CPQ: variants seen among roughly 807,000 people sequenced by gnomAD.
CPQ encodes Ser-Met dipeptidase.
In CPQ, 37 loss-of-function variants were observed where a neutral mutation model predicts 45.7. That is an observed-to-expected ratio of 0.81 (90% CI 0.62 to 1.07). The LOEUF is 1.07. Among genes scored for constraint, CPQ ranks in the 50% least tolerant of loss-of-function variants. CPQ has a pLI of 0.00. For missense variants in CPQ, 537 were observed against 572.9 expected, an observed-to-expected ratio of 0.94 and a Z score of 0.64; for synonymous variants, 186 against 205.8, an observed-to-expected ratio of 0.90 and a Z score of 0.82.
At chr8:96,908,405 C>T (rs773657050) in intron 4 of CPQ, among the ~76,000 whole-genome samples, 5 of 152,052 alleles carry the variant, frequency 3.3e-5, no homozygotes, top group Non-Finnish European at 5.9e-5. Context: ...TGGCATGTGA[C>T]AGAGACTGTT....
At chr8:96,784,431 G>A (rs1466627741) in intron 1 of CPQ, among the ~76,000 whole-genome samples, 1 of 151,196 alleles carries the variant, frequency 6.6e-6, no homozygotes, top group African/African-American at 2.4e-5. Context: ...ATCAAAAACA[G>A]ATGACAGCTG....
intron 7 of CPQ, among the ~76,000 whole-genome samples, chr8:97,134,532 C>A (rs1361608675): frequency 6.6e-6 from 1 of 152,168 alleles, no homozygotes; most frequent in Non-Finnish European, 1.5e-5. Context: ...GAATGTAATT[C>A]AAGTCTTTAC....
At chr8:97,073,661 G>C (rs1810795053) in intron 7 of CPQ, among the ~76,000 whole-genome samples, 1 of 152,164 alleles carries the variant, frequency 6.6e-6, no homozygotes, top group Non-Finnish European at 1.5e-5. Context: ...ACACTGAGGA[G>C]AGAGGATGAA....
In CPQ at chr8:97,038,825, CAAAAAAAAAAAAAA is replaced by C. The variant is rs35739621; in HGVS notation, c.1053+9342_1053+9355del. Among the ~76,000 whole-genome samples the C allele has an allele frequency of 4.1e-4, 38 of 91,874 alleles. 2 individuals carry two copies. The highest frequency in any genetic ancestry group is 3.7e-3 in the Admixed American group (29 of 7,742). The allele number at this position is 91,874 out of a possible 152,430, so 60.3% of individuals were successfully genotyped here. ...CTGTATTCCAAAAAAACCGTATTTA[CAAAAAAAAAAAAAA>C]AAAAAAAAAAGAATAAAGGCAGGTC... On this transcript the variant is annotated intron_variant, in intron 6 of 7. Transcript: ENST00000220763.
chr8:97,118,898 C>T (rs932606961), intron 7 of CPQ, among the ~76,000 whole-genome samples: 2 of 152,112 alleles, frequency 1.3e-5, no homozygotes, highest in Non-Finnish European at 1.5e-5. Context: ...CATGACCAGC[C>T]ATGCTTGTTC....
intron 6 of CPQ, among the ~76,000 whole-genome samples, chr8:97,045,499 C>G (rs887292996): frequency 6.6e-6 from 1 of 152,188 alleles, no homozygotes; most frequent in Non-Finnish European, 1.5e-5. Flanking sequence ...ACCCACTGTC[C>G]TGCGCCCACT....
At chr8:97,022,071 A>C (rs1476708891) in intron 5 of CPQ, among the ~76,000 whole-genome samples, 1 of 152,226 alleles carries the variant, frequency 6.6e-6, no homozygotes, top group East Asian at 1.9e-4. Context: ...GAACCCAGAA[A>C]TAAACCCAAA....
At chr8:96,986,142 T>C (rs1312514623) in intron 5 of CPQ, among the ~76,000 whole-genome samples, 1 of 152,170 alleles carries the variant, frequency 6.6e-6, no homozygotes, top group Admixed American at 6.5e-5. Flanking sequence ...TTGACCCAAG[T>C]TGCAGCATCT....
intron 5 of CPQ, among the ~76,000 whole-genome samples, chr8:96,969,925 T>C (rs1019581414): frequency 1.3e-5 from 2 of 151,456 alleles, no homozygotes; most frequent in African/African-American, 2.4e-5. Context: ...AGGTAAGGAG[T>C]TGGAAGAGTT....
intron 1 of CPQ, among the ~76,000 whole-genome samples, chr8:96,779,733 A>AATAG (rs1810663626): frequency 6.6e-6 from 1 of 152,234 alleles, no homozygotes; most frequent in African/African-American, 2.4e-5. Context: ...AGTGCTAATG[A>AATAG]ATAGATGTCT....
chr8:96,656,474 G>A lies in CPQ; in HGVS notation c.-35+11072G>A, dbSNP rs1815638938. On this transcript the variant is annotated intron_variant, in intron 1 of 7. Coordinates refer to ENST00000220763, the MANE Select transcript of CPQ (RefSeq NM_016134.4). ...GCTGCAGGCTGGACTCTGAGTTTAG[G>A]TGGAGTTGCTGCTCAGGATGGATGG... 2.6e-5 allele frequency among the ~76,000 whole-genome samples: 4 copies of A among 152,158 alleles called. No individual in the cohort carries two copies. In the South Asian group the frequency reaches 8.3e-4, roughly 32 times the overall value.
chr8:96,925,440 T>C (rs1156869761), intron 4 of CPQ, among the ~76,000 whole-genome samples: 1 of 151,006 alleles, frequency 6.6e-6, no homozygotes, highest in Non-Finnish European at 1.5e-5. Context: ...CTGGAGTGCA[T>C]TGGTGTGATC....
chr8:96,858,183 G>C (rs768575283), intron 3 of CPQ, among the ~76,000 whole-genome samples: 12 of 152,108 alleles, frequency 7.9e-5, no homozygotes, highest in Non-Finnish European at 1.5e-4. Flanking sequence ...TATGAAGTCT[G>C]GTAGGTACAC....
In CPQ at chr8:96,988,769, C is replaced by A. The variant is rs542873501; in HGVS notation, c.961+22723C>A. 4.6e-5 allele frequency among the ~76,000 whole-genome samples: 7 copies of A among 152,258 alleles called. No individual in the cohort carries two copies. In the South Asian group the frequency reaches 1.2e-3, roughly 27 times the overall value. On this transcript the variant is annotated intron_variant, in intron 5 of 7. Coordinates refer to ENST00000220763, the MANE Select transcript of CPQ (RefSeq NM_016134.4). ...AGGTAAAGAAGATCAAACAGAAATG[C>A]CTCCCCCTTTAGTGAAGTATGAACT...
intron 7 of CPQ, among the ~76,000 whole-genome samples, chr8:97,101,072 T>G (rs1219939638): frequency 6.6e-6 from 1 of 152,144 alleles, no homozygotes; most frequent in Non-Finnish European, 1.5e-5. Flanking sequence ...GTTTGTATTG[T>G]CAGGAAATGT....
intron 4 of CPQ, among the ~76,000 whole-genome samples, chr8:96,881,038 G>A (rs1461289553): frequency 2.0e-5 from 3 of 152,126 alleles, no homozygotes; most frequent in South Asian, 2.1e-4. Flanking sequence ...ATTTGTCCAC[G>A]TGTTGTATTT....
At chr8:97,089,319 T>C (rs1811093911) in intron 7 of CPQ, among the ~76,000 whole-genome samples, 1 of 152,070 alleles carries the variant, frequency 6.6e-6, no homozygotes, top group African/African-American at 2.4e-5. Context: ...TAGGCAGCCA[T>C]TGCTATTAAG....
chr8:96,885,268 A>C (rs1348294101), intron 4 of CPQ, among the ~76,000 whole-genome samples: 1 of 152,178 alleles, frequency 6.6e-6, no homozygotes, highest in African/African-American at 2.4e-5. Flanking sequence ...CATTTTTGAG[A>C]TAATTAACCC....
chr8:96,908,201 A>AAG (rs1289193640), intron 4 of CPQ, among the ~76,000 whole-genome samples: 1 of 151,490 alleles, frequency 6.6e-6, no homozygotes, highest in South Asian at 2.1e-4. Context: ...AGAGAGAGAG[A>AAG]AGAGAGAGAC....
Sources: allele counts gnomAD v4.1 joint callset (sites outside exome capture counted in the v4.1 genomes callset), GRCh38; gene constraint gnomAD v4.1.1; transcripts MANE v1.5; gene names NCBI Gene and HGNC (gene_info 2026-07-23, HGNC 2026-07-21).